Variants in SPOCK3 observed in about 807,000 individuals in gnomAD.
The protein encoded by SPOCK3 is testican-3.
SPOCK3 carries 30 observed loss-of-function variants against 56.6 expected under a neutral mutation model. The ratio of observed to expected loss-of-function variants is 0.53; its 90% CI spans 0.40 to 0.72. The LOEUF (loss-of-function observed/expected upper bound fraction) is 0.72. SPOCK3 is among the 30% of genes least tolerant of loss of function. The pLI, the probability that SPOCK3 is intolerant of heterozygous loss-of-function variation, is 0.00. For missense variants in SPOCK3, 527 were observed against 530.0 expected, an observed-to-expected ratio of 0.99 and a Z score of 0.06; for synonymous variants, 196 against 183.3, an observed-to-expected ratio of 1.07 and a Z score of -0.56.
chr4:167,200,611 G>T (rs1172312381), intron 2 of SPOCK3, among the ~76,000 whole-genome samples: 1 of 151,968 alleles, frequency 6.6e-6, no homozygotes, highest in Non-Finnish European at 1.5e-5. Flanking sequence ...ATCAGATAAT[G>T]AGCAGATACT....
chr4:166,894,973 T>A (rs1428477170), intron 5 of SPOCK3, among the ~76,000 whole-genome samples: 2 of 152,138 alleles, frequency 1.3e-5, no homozygotes, highest in African/African-American at 2.4e-5. Context: ...ACATGGATGA[T>A]CCTAAACTTC....
intron 4 of SPOCK3, among the ~76,000 whole-genome samples, chr4:166,959,666 A>T (rs1743918316): frequency 6.6e-6 from 1 of 152,142 alleles, no homozygotes; most frequent in Non-Finnish European, 1.5e-5. Context: ...GGTAAGAGAG[A>T]AACACAACTG....
chr4:166,777,219 A>AT (rs534532092), intron 7 of SPOCK3, among the ~76,000 whole-genome samples: 1 of 152,186 alleles, frequency 6.6e-6, no homozygotes, highest in African/African-American at 2.4e-5. Flanking sequence ...AATCTAAGTT[A>AT]TTTTTTATTT....
In SPOCK3 at chr4:166,780,532, C is replaced by T. The variant is rs192547751; in HGVS notation, c.709+11638G>A. On this transcript the variant is annotated intron_variant, in intron 7 of 10. Transcript: ENST00000357545. The stretch of plus-strand genomic sequence containing the variant: ...CCCTACATACCTTATGGAAGAAAAC[C>T]TTAAATTCCTAGGGGTAAGCCCAAT... 2.2e-4 allele frequency among the ~76,000 whole-genome samples: 34 copies of T among 152,128 alleles called. 1 individual carries two copies. The East Asian group carries it at 6.4e-3, about 29-fold the overall frequency.
chr4:167,225,714 C>G (rs1736528292), intron 2 of SPOCK3, among the ~76,000 whole-genome samples: 1 of 151,880 alleles, frequency 6.6e-6, no homozygotes, highest in Non-Finnish European at 1.5e-5. Flanking sequence ...CTCACCATCT[C>G]TGTTTATGAT....
At chr4:167,009,258 T>C (rs1016797338) in intron 3 of SPOCK3, among the ~76,000 whole-genome samples, 1 of 152,122 alleles carries the variant, frequency 6.6e-6, no homozygotes, top group Non-Finnish European at 1.5e-5. Flanking sequence ...ACCTGTTCTC[T>C]TGGGTAATGC....
chr4:166,883,018 G>A (rs1416772648), intron 6 of SPOCK3: 2 of 152,080 alleles, frequency 1.3e-5, no homozygotes, highest in Admixed American at 6.6e-5. Flanking sequence ...AAGCATGCAT[G>A]TTGCAAGAGT....
intron 6 of SPOCK3, among the ~76,000 whole-genome samples, chr4:166,832,410 A>C (rs1056171167): frequency 1.4e-5 from 2 of 147,230 alleles, no homozygotes; most frequent in Non-Finnish European, 3.0e-5. Flanking sequence ...CAAAAAAAAA[A>C]CAACAGATGA....
intron 3 of SPOCK3, among the ~76,000 whole-genome samples, chr4:167,020,852 C>G (rs967806504): frequency 6.6e-6 from 1 of 151,914 alleles, no homozygotes; most frequent in African/African-American, 2.4e-5. Context: ...AAACAACAAT[C>G]AAAACAGCAT....
intron 2 of SPOCK3, among the ~76,000 whole-genome samples, chr4:167,075,186 G>T (rs1365947): frequency 6.6e-6 from 1 of 151,702 alleles, no homozygotes; most frequent in Non-Finnish European, 1.5e-5. Context: ...TTTTTCCAAT[G>T]GATTATGGAA....
chr4:167,101,240 T>C (rs899581759), intron 2 of SPOCK3, among the ~76,000 whole-genome samples: 2 of 152,066 alleles, frequency 1.3e-5, no homozygotes, highest in African/African-American at 4.8e-5. Context: ...CTAAGCTCTT[T>C]CTCCCTCCCA....
intron 6 of SPOCK3, among the ~76,000 whole-genome samples, chr4:166,849,357 A>G (rs1748436344): frequency 2.0e-5 from 3 of 152,252 alleles, no homozygotes; most frequent in South Asian, 4.1e-4. Context: ...TTCATTCTGT[A>G]CTATAGTGGA....
At chr4:167,192,997 A>T (rs2110860576) in intron 2 of SPOCK3, among the ~76,000 whole-genome samples, 1 of 145,974 alleles carries the variant, frequency 6.9e-6, no homozygotes, top group East Asian at 2.1e-4. Context: ...GTCAGCACTT[A>T]TTTTTTGACC....
At chr4:166,867,316 C>T in intron 6 of SPOCK3, among the ~76,000 whole-genome samples, 1 of 151,890 alleles carries the variant, frequency 6.6e-6, no homozygotes, top group Admixed American at 6.6e-5. Flanking sequence ...TTATATTTTC[C>T]ATCCATAAAG....
At chr4:166,974,308 T>C (rs756341234) in intron 4 of SPOCK3, among the ~76,000 whole-genome samples, 6 of 152,162 alleles carry the variant, frequency 3.9e-5, no homozygotes, top group Non-Finnish European at 7.4e-5. Flanking sequence ...ATCAAGATCA[T>C]AGAGTTTGGA....
At chr4:166,826,646 T>TA (rs1307334130) in intron 6 of SPOCK3, among the ~76,000 whole-genome samples, 3 of 152,108 alleles carry the variant, frequency 2.0e-5, no homozygotes, top group East Asian at 1.9e-4. Context: ...AGTCAATAAA[T>TA]AAAATTTTTT....
intron 2 of SPOCK3, among the ~76,000 whole-genome samples, chr4:167,164,796 T>G (rs1765616861): frequency 6.6e-6 from 1 of 152,168 alleles, no homozygotes; most frequent in South Asian, 2.1e-4. Context: ...TACACAGTAT[T>G]CCATGGTGTA....
intron 6 of SPOCK3, among the ~76,000 whole-genome samples, chr4:166,885,530 C>G (rs570687959): frequency 2.4e-3 from 372 of 152,130 alleles, no homozygotes; most frequent in Non-Finnish European, 4.4e-3. Context: ...ATCCTAGAAG[C>G]AAGGGATGGC....
At chr4:167,158,673 T>G (rs1178335958) in intron 2 of SPOCK3, among the ~76,000 whole-genome samples, 1 of 152,010 alleles carries the variant, frequency 6.6e-6, no homozygotes. Flanking sequence ...AGTTTTCACA[T>G]AGTTCAATTC....
Sources: allele counts gnomAD v4.1 joint callset (sites outside exome capture counted in the v4.1 genomes callset), GRCh38; gene constraint gnomAD v4.1.1; transcripts MANE v1.5; gene names NCBI Gene and HGNC (gene_info 2026-07-23, HGNC 2026-07-21).